The following CCDC178 variants were observed in gnomAD, a reference collection of about 807,000 sequenced individuals.
CCDC178 encodes the protein coiled-coil domain-containing protein 178.
A neutral mutation model predicts 117.4 loss-of-function variants in CCDC178; 126 were observed. The ratio of observed to expected loss-of-function variants is 1.07; its 90% CI spans 0.93 to 1.24. The LOEUF is 1.24. Among genes scored for constraint, CCDC178 ranks in the 50% most tolerant of loss-of-function variants. The pLI is 0.00. For synonymous variants in CCDC178, 283 were observed against 313.4 expected (o/e 0.90, Z 1.02); for missense variants, 1,030 against 986.9 (o/e 1.04, Z -0.59).
At chr18:33,416,288 G>T (rs760892037) in intron 2 of CCDC178, among the ~76,000 whole-genome samples, 1 of 152,084 alleles carries the variant, frequency 6.6e-6, no homozygotes, top group Non-Finnish European at 1.5e-5. Flanking sequence ...TTAGCCGGGC[G>T]TGGTGGCGGG....
chr18:32,983,279 A>C, intron 21 of CCDC178: 1 of 1,508,994 alleles, frequency 6.6e-7, no homozygotes, highest in Non-Finnish European at 8.9e-7. Flanking sequence ...CATCACAGGT[A>C]CCTGAAAATT....
intron 2 of CCDC178, among the ~76,000 whole-genome samples, chr18:33,430,982 G>A (rs1376019990): frequency 1.3e-5 from 2 of 151,666 alleles, no homozygotes; most frequent in African/African-American, 2.4e-5. Flanking sequence ...GGCTGAGGCA[G>A]GAGAATGGCG....
intron 21 of CCDC178, among the ~76,000 whole-genome samples, chr18:33,025,436 C>A (rs80295549): frequency 6.6e-6 from 1 of 152,002 alleles, no homozygotes; most frequent in African/African-American, 2.4e-5. Context: ...CTGTGAAAGA[C>A]TCTGTTAAGA....
Position 33,277,896 on chromosome 18 carries a change from T to C in CCDC178, c.1177-10599A>G, listed in dbSNP as rs537231565. On this transcript the variant is annotated intron_variant, in intron 12 of 22. Transcript: ENST00000383096. ...TACATCTACAAAATCCTTCTGCCCA[T>C]GTAACCTTGCATATTTACAAGCATG... 1.5e-4 allele frequency among the ~76,000 whole-genome samples: 23 copies of C among 152,278 alleles called. 1 individual carries two copies. In the South Asian group the frequency reaches 4.6e-3, roughly 30 times the overall value.
rs544916515 is a variant in CCDC178, at chr18:33,378,886, C to T, written c.209-8697G>A. ...TATTTATGTTCATCAAGGATATTGGCCTGTTGTTTTCTTTTTTCATTGTGT... is the reference window on the plus strand; with the variant it reads ...TATTTATGTTCATCAAGGATATTGGTCTGTTGTTTTCTTTTTTCATTGTGT... On this transcript the variant is annotated intron_variant, in intron 5 of 22. Transcript: ENST00000383096. 7.3e-5 allele frequency among the ~76,000 whole-genome samples: 11 copies of T among 151,522 alleles called. No individual in the cohort carries two copies. The South Asian group carries it at 2.3e-3, about 32-fold the overall frequency.
chr18:33,233,509 A>G (rs571787649), intron 15 of CCDC178, among the ~76,000 whole-genome samples: 2 of 152,246 alleles, frequency 1.3e-5, no homozygotes, highest in African/African-American at 4.8e-5. Flanking sequence ...CGTGTTGTTT[A>G]GAACCCACGC....
intron 2 of CCDC178, among the ~76,000 whole-genome samples, chr18:33,428,577 C>G (rs374772244): frequency 6.6e-6 from 1 of 151,294 alleles, no homozygotes; most frequent in Non-Finnish European, 1.5e-5. Context: ...ACTAAAAATA[C>G]CAAAATTAGC....
At chr18:33,423,768 T>C (rs935771240) in intron 2 of CCDC178, among the ~76,000 whole-genome samples, 3 of 152,206 alleles carry the variant, frequency 2.0e-5, no homozygotes, top group African/African-American at 7.2e-5. Flanking sequence ...AAAGCATTCG[T>C]TGGGATCATC....
chr18:32,940,415 A>C (rs975349367), intron 22 of CCDC178, among the ~76,000 whole-genome samples: 5 of 152,042 alleles, frequency 3.3e-5, no homozygotes, highest in Non-Finnish European at 7.4e-5. Flanking sequence ...GATTGATACC[A>C]GAGACAAAAT....
chr18:33,371,782 TATACAC>T (rs1279530032), intron 5 of CCDC178, among the ~76,000 whole-genome samples: 5 of 53,620 alleles, frequency 9.3e-5, no homozygotes, highest in Non-Finnish European at 1.7e-4. Context: ...CATAAACATA[TATACAC>T]ACACACACAC....
intron 21 of CCDC178, among the ~76,000 whole-genome samples, chr18:33,020,855 C>G (rs1352633022): frequency 6.6e-6 from 1 of 152,080 alleles, no homozygotes; most frequent in African/African-American, 2.4e-5. Flanking sequence ...ATTTATGAAG[C>G]CCTAGTGTGC....
intron 11 of CCDC178, among the ~76,000 whole-genome samples, chr18:33,303,512 A>G (rs1012465130): frequency 6.6e-6 from 1 of 152,092 alleles, no homozygotes. Context: ...TGATGTGTCA[A>G]TGTAAGTTTG....
At chr18:33,276,070 T>C (rs934143927) in intron 12 of CCDC178, among the ~76,000 whole-genome samples, 16 of 116,130 alleles carry the variant, frequency 1.4e-4, no homozygotes, top group African/African-American at 4.7e-4. Flanking sequence ...CAATATTAGA[T>C]GGGACTGTGA....
intron 5 of CCDC178, among the ~76,000 whole-genome samples, chr18:33,373,927 T>G (rs2063332312): frequency 1.3e-5 from 2 of 152,184 alleles, no homozygotes; most frequent in South Asian, 4.1e-4. Context: ...TAAGCAACTC[T>G]AAATCTGGAT....
chr18:33,169,127 T>C (rs1364475430), intron 20 of CCDC178, among the ~76,000 whole-genome samples: 1 of 152,182 alleles, frequency 6.6e-6, no homozygotes, highest in African/African-American at 2.4e-5. Context: ...TGCAGGTAAG[T>C]TACGGAAATT....
At chr18:33,141,517 C>T (rs183824830) in intron 20 of CCDC178, among the ~76,000 whole-genome samples, 1 of 152,268 alleles carries the variant, frequency 6.6e-6, no homozygotes, top group East Asian at 1.9e-4. Context: ...AAAGAACATA[C>T]AGAACACTGC....
chr18:33,286,886 A>C (rs1387639464), intron 12 of CCDC178, among the ~76,000 whole-genome samples: 2 of 152,338 alleles, frequency 1.3e-5, no homozygotes, highest in East Asian at 3.9e-4. Flanking sequence ...CACATCATAA[A>C]ATTATTTTCT....
chr18:33,185,731 A>G (rs2058784275), intron 20 of CCDC178, among the ~76,000 whole-genome samples: 1 of 152,064 alleles, frequency 6.6e-6, no homozygotes, highest in Non-Finnish European at 1.5e-5. Context: ...ACTTAATTTA[A>G]GGTAATCTTG....
At chr18:33,104,230 G>T (rs273026) in intron 20 of CCDC178, among the ~76,000 whole-genome samples, 20,674 of 151,562 alleles carry the variant, frequency 0.14, 2,137 homozygotes, top group African/African-American at 0.29. Context: ...AACCTCTAAA[G>T]AAGGTAAACC....
Sources: allele counts gnomAD v4.1 joint callset (sites outside exome capture counted in the v4.1 genomes callset), GRCh38; gene constraint gnomAD v4.1.1; transcripts MANE v1.5; gene names NCBI Gene and HGNC (gene_info 2026-07-23, HGNC 2026-07-21).